TMEM108: variants seen among roughly 807,000 people sequenced by gnomAD.
The protein encoded by TMEM108 is cancer/testis antigen 124.
In TMEM108, 12 loss-of-function variants were observed where a neutral mutation model predicts 35.1. The observed-to-expected ratio is 0.34, with a 90% CI of 0.22 to 0.55. The LOEUF is 0.55. TMEM108 is among the 20% of genes least tolerant of loss of function. The probability of loss-of-function intolerance (pLI) is 0.89; values close to 1 mark genes in which losing one functional copy is unlikely to be tolerated. For missense variants in TMEM108, 680 were observed against 753.3 expected (o/e 0.90, Z 1.14); for synonymous variants, 287 against 308.6 (o/e 0.93, Z 0.73).
intron 3 of TMEM108, among the ~76,000 whole-genome samples, chr3:133,316,430 A>C (rs539549106): frequency 6.6e-6 from 1 of 152,334 alleles, no homozygotes; most frequent in Non-Finnish European, 1.5e-5. Flanking sequence ...AAGAGGCTAT[A>C]TCTTTAGCAT....
At chr3:133,383,565 A>G (rs1201673) in intron 4 of TMEM108, among the ~76,000 whole-genome samples, 74,742 of 151,966 alleles carry the variant, frequency 0.49, 18,335 homozygotes, top group African/African-American at 0.51. Flanking sequence ...ATTCTAAAAG[A>G]ACTCCTACTT....
At chr3:133,239,785 C>T (rs563432306) in intron 3 of TMEM108, among the ~76,000 whole-genome samples, 1 of 152,264 alleles carries the variant, frequency 6.6e-6, no homozygotes, top group Admixed American at 6.5e-5. Context: ...GCTTCCCTAC[C>T]TCACTTGGGC....
chr3:133,078,801 C>T (rs896885706), intron 2 of TMEM108, among the ~76,000 whole-genome samples: 2 of 152,154 alleles, frequency 1.3e-5, no homozygotes, highest in African/African-American at 4.8e-5. Flanking sequence ...GATGCACACA[C>T]ACATATATTT....
chr3:133,233,871 A>C (rs1345865394), intron 3 of TMEM108, among the ~76,000 whole-genome samples: 1 of 151,632 alleles, frequency 6.6e-6, no homozygotes, highest in Admixed American at 6.6e-5. Context: ...TCCTTTGCCC[A>C]CTTTTTGATG....
intron 3 of TMEM108, chr3:133,246,815 T>C (rs1389743388): frequency 1.3e-5 from 2 of 152,266 alleles, no homozygotes; most frequent in Non-Finnish European, 2.9e-5. Flanking sequence ...GACCTCTGCA[T>C]GCCATCTCAT....
Position 133,354,219 on chromosome 3 carries a change from A to G in TMEM108, c.41-25533A>G, listed in dbSNP as rs555600812. ...AATGAAAGACATACATCACAGACCAACATTGTCATCTCAGACCTCCATGTC... is the reference window on the plus strand; with the variant it reads ...AATGAAAGACATACATCACAGACCAGCATTGTCATCTCAGACCTCCATGTC... On this transcript the variant is annotated intron_variant, in intron 3 of 5. Transcript: ENST00000321871. Among the ~76,000 whole-genome samples the G allele has an allele frequency of 9.2e-5, 14 of 152,354 alleles. No homozygotes were observed. The South Asian group carries it at 2.9e-3, about 32-fold the overall frequency.
chr3:133,334,084 G>A (rs547467949), intron 3 of TMEM108, among the ~76,000 whole-genome samples: 1 of 152,178 alleles, frequency 6.6e-6, no homozygotes, highest in African/African-American at 2.4e-5. Context: ...AATGAAGTGA[G>A]TTTCGTCAGT....
chr3:133,289,094 C>A (rs955631016), intron 3 of TMEM108, among the ~76,000 whole-genome samples: 3 of 151,970 alleles, frequency 2.0e-5, no homozygotes, highest in Admixed American at 1.3e-4. Context: ...CAGATGAGAT[C>A]TGGAATTTAT....
chr3:133,380,644 A>G lies in TMEM108; in HGVS notation c.933A>G (p.Gln311=), dbSNP rs2072983980. 3 of 1,613,784 alleles carry G rather than the reference A, an allele frequency of 1.9e-6. No homozygotes were observed. The highest frequency in any genetic ancestry group is 1.3e-5 in the African/African-American group (1 of 74,922). ...TAASGAPVSP[Q]AAPVPSQRPH... is the part of the protein sequence containing the mutation. Reference sequence around the variant, plus strand: ...CCTCAGGTGCCCCTGTCAGTCCACAAGCTGCCCCAGTGCCTTCTCAGCGCC... The same window carrying G: ...CCTCAGGTGCCCCTGTCAGTCCACAGGCTGCCCCAGTGCCTTCTCAGCGCC... The change falls in exon 4 of 6, where the codon CAA becomes CAG. Residue 311 remains glutamine, a synonymous_variant. Transcript: ENST00000321871. This position sits in a 1 kb window ranked among gnomAD's most constrained non-coding sequence, Gnocchi z 5.3.
At chr3:133,258,082 A>T (rs1490680739) in intron 3 of TMEM108, among the ~76,000 whole-genome samples, 3 of 152,158 alleles carry the variant, frequency 2.0e-5, no homozygotes, top group African/African-American at 7.2e-5. Context: ...TGGTATTTGG[A>T]GGTGGGGCCT....
chr3:133,205,284 G>T (rs1328348121), intron 2 of TMEM108, among the ~76,000 whole-genome samples: 2 of 152,058 alleles, frequency 1.3e-5, no homozygotes, highest in Non-Finnish European at 2.9e-5. Context: ...CTTTTAATTG[G>T]GGCATTTAGC....
intron 2 of TMEM108, among the ~76,000 whole-genome samples, chr3:133,072,384 CTGTTTA>C (rs1316161017): frequency 6.6e-6 from 1 of 152,042 alleles, no homozygotes; most frequent in Non-Finnish European, 1.5e-5. Flanking sequence ...GGGTTATTCT[CTGTTTA>C]CCTCAGGATT....
intron 2 of TMEM108, among the ~76,000 whole-genome samples, chr3:133,073,234 T>C (rs962776653): frequency 6.6e-6 from 1 of 151,860 alleles, no homozygotes; most frequent in African/African-American, 2.4e-5. Flanking sequence ...ATTAGTCCTG[T>C]CTCATTGAAA....
intron 2 of TMEM108, among the ~76,000 whole-genome samples, chr3:133,083,186 C>CT (rs1943837022): frequency 4.2e-5 from 6 of 142,072 alleles, no homozygotes; most frequent in Non-Finnish European, 7.8e-5. Flanking sequence ...CCCCACCCCC[C>CT]GCCGCCCCAC....
intron 2 of TMEM108, among the ~76,000 whole-genome samples, chr3:133,183,231 G>A (rs1033120041): frequency 2.6e-5 from 4 of 152,284 alleles, no homozygotes; most frequent in African/African-American, 7.2e-5. Context: ...ACTTTGCAAT[G>A]ATAAGTAAAT....
chr3:133,262,295 G>T (rs1001148238), intron 3 of TMEM108, among the ~76,000 whole-genome samples: 2 of 152,118 alleles, frequency 1.3e-5, no homozygotes, highest in African/African-American at 4.8e-5. Flanking sequence ...CAGTGGATCT[G>T]TTTCAACATA....
rs549985413 is a variant in TMEM108, at chr3:133,383,470, G to A, written c.1450+2309G>A. On this transcript the variant is annotated intron_variant, in intron 4 of 5. Transcript: ENST00000321871. ...CCCATTGTGTGCCAGACACTGTGCC[G>A]AGCATTAGGGAATCTGAGATATGGG... Among the ~76,000 whole-genome samples, 25 of 152,266 alleles carry A rather than the reference G, an allele frequency of 1.6e-4. No homozygotes were observed. In the East Asian group the frequency reaches 2.7e-3, roughly 16 times the overall value.
intron 2 of TMEM108, among the ~76,000 whole-genome samples, chr3:133,058,063 C>G (rs1459825984): frequency 6.7e-6 from 1 of 150,146 alleles, no homozygotes; most frequent in Non-Finnish European, 1.5e-5. Context: ...AGCCCTTGAG[C>G]ACGTTGGATT....
intron 3 of TMEM108, among the ~76,000 whole-genome samples, chr3:133,350,067 G>A (rs2071944465): frequency 6.6e-6 from 1 of 152,102 alleles, no homozygotes; most frequent in Non-Finnish European, 1.5e-5. Context: ...TGTGGTATAT[G>A]TACACAATGG....
Sources: gnomAD v4.1 joint callset for allele counts (sites outside exome capture counted in the v4.1 genomes callset) on GRCh38, gnomAD v4.1.1 for gene constraint, Gnocchi (gnomAD v3.1) non-coding constraint, MANE v1.5 for transcripts, NCBI Gene and HGNC (gene_info 2026-07-23, HGNC 2026-07-21) for gene names.